Variants in S100Z observed in about 807,000 individuals in gnomAD.
S100Z encodes protein S100-Z.
S100Z carries 11 observed loss-of-function variants against 8.5 expected under a neutral mutation model. The observed-to-expected ratio is 1.30, with a 90% CI of 0.82 to 2.15. The LOEUF (loss-of-function observed/expected upper bound fraction) is 2.15. Ranked by LOEUF, S100Z falls within the 30% of genes most tolerant of loss-of-function variation. The pLI, the probability that S100Z is intolerant of heterozygous loss-of-function variation, is 0.00. For missense variants in S100Z, 126 were observed against 117.9 expected (o/e 1.07, Z -0.32); for synonymous variants, 34 against 43.8 (o/e 0.78, Z 0.89).
intron 4 of S100Z, among the ~76,000 whole-genome samples, chr5:76,910,650 C>G (rs1303075111): frequency 1.3e-5 from 2 of 152,180 alleles, no homozygotes; most frequent in African/African-American, 4.8e-5. Flanking sequence ...TTCTCTGGGT[C>G]AGAAGCTGCC....
At chr5:76,864,522 C>A (rs1257820383) in intron 1 of S100Z, among the ~76,000 whole-genome samples, 1 of 150,140 alleles carries the variant, frequency 6.7e-6, no homozygotes, top group African/African-American at 2.5e-5. Context: ...ACACCTCAGC[C>A]TCCCAGAGGC....
intron 2 of S100Z, among the ~76,000 whole-genome samples, chr5:76,870,790 A>G (rs1742981111): frequency 6.6e-6 from 1 of 152,062 alleles, no homozygotes; most frequent in South Asian, 2.1e-4. Context: ...CACAGTGGGA[A>G]CAACATTTAA....
chr5:76,873,311 A>ATT (rs1355914184), intron 2 of S100Z, among the ~76,000 whole-genome samples: 16 of 134,684 alleles, frequency 1.2e-4, no homozygotes, highest in Non-Finnish European at 1.9e-4. Flanking sequence ...AAAACTAACA[A>ATT]TTTTTTTTTT....
chr5:76,911,023 C>G (rs1256592179), intron 4 of S100Z, among the ~76,000 whole-genome samples: 1 of 152,150 alleles, frequency 6.6e-6, no homozygotes, highest in Non-Finnish European at 1.5e-5. Flanking sequence ...ATATGAGGAA[C>G]AAGTTACCCA....
At chr5:76,945,651 C>T in the S100Z span, among the ~76,000 whole-genome samples, 2 of 152,210 alleles carry the variant, frequency 1.3e-5, no homozygotes, top group Admixed American at 6.5e-5. Flanking sequence ...AGTACCTTCC[C>T]TTGAACTTAT....
the S100Z span, among the ~76,000 whole-genome samples, chr5:76,932,823 T>G: frequency 6.6e-6 from 1 of 152,228 alleles, no homozygotes; most frequent in African/African-American, 2.4e-5. Flanking sequence ...CATTTTTTTC[T>G]GATGGGATTT....
At chr5:76,854,393 G>A (rs754775133) in intron 1 of S100Z, among the ~76,000 whole-genome samples, 14 of 152,154 alleles carry the variant, frequency 9.2e-5, no homozygotes, top group East Asian at 3.9e-4. Flanking sequence ...AAGGCCAGGC[G>A]GAGATGAGGA....
chr5:76,886,184 A>G (rs1227084952), intron 4 of S100Z, among the ~76,000 whole-genome samples: 1 of 152,132 alleles, frequency 6.6e-6, no homozygotes, highest in Admixed American at 6.6e-5. Context: ...GAGGTCAGAC[A>G]CCTCTGAAAC....
intron 1 of S100Z, among the ~76,000 whole-genome samples, chr5:76,851,888 C>T (rs974366700): frequency 3.9e-5 from 6 of 152,186 alleles, no homozygotes; most frequent in African/African-American, 1.4e-4. Context: ...ATAAAGTACA[C>T]AGCAGAAAGC....
chr5:76,950,986 T>C, the S100Z span, among the ~76,000 whole-genome samples: 11,912 of 152,232 alleles, frequency 0.078, 759 homozygotes, highest in African/African-American at 0.18. Flanking sequence ...TCTTAGTTTT[T>C]CTCGATAGCT....
At chr5:76,871,520 C>CT (rs565094996) in intron 2 of S100Z, among the ~76,000 whole-genome samples, 1,382 of 125,074 alleles carry the variant, frequency 0.011, 11 homozygotes, top group African/African-American at 0.03. Flanking sequence ...ATCAGAAACT[C>CT]TTTTTTTTTT....
chr5:76,902,545 C>T (rs1026458992), intron 4 of S100Z, among the ~76,000 whole-genome samples: 1 of 151,950 alleles, frequency 6.6e-6, no homozygotes, highest in African/African-American at 2.4e-5. Context: ...TTCAGTGCCT[C>T]TTTCAGTGAT....
the S100Z span, among the ~76,000 whole-genome samples, chr5:76,927,993 A>C: frequency 6.6e-6 from 1 of 152,172 alleles, no homozygotes; most frequent in Non-Finnish European, 1.5e-5. Context: ...CTCTGCTCTG[A>C]GGACGTGGGG....
chr5:76,929,604 G>A, the S100Z span, among the ~76,000 whole-genome samples: 1 of 152,176 alleles, frequency 6.6e-6, no homozygotes, highest in East Asian at 1.9e-4. Flanking sequence ...TGTACACCAA[G>A]AGGTGACATG....
the S100Z span, among the ~76,000 whole-genome samples, chr5:76,937,225 T>C: frequency 0.016 from 2,453 of 151,324 alleles, 60 homozygotes; most frequent in African/African-American, 0.056. Context: ...AGGACACATA[T>C]GTAGGTGATA....
the S100Z span, among the ~76,000 whole-genome samples, chr5:76,951,059 G>C: frequency 6.6e-6 from 1 of 151,648 alleles, no homozygotes; most frequent in African/African-American, 2.4e-5. Context: ...GTTTCCACTG[G>C]CTTAGTAGAT....
At chr5:76,947,144 A>G in the S100Z span, among the ~76,000 whole-genome samples, 4 of 152,252 alleles carry the variant, frequency 2.6e-5, no homozygotes, top group Non-Finnish European at 5.9e-5. Context: ...GTCAGCTAGC[A>G]GACAGAGAGA....
At chr5:76,884,883 G>A (rs1407919950) in intron 4 of S100Z, among the ~76,000 whole-genome samples, 1 of 152,114 alleles carries the variant, frequency 6.6e-6, no homozygotes, top group African/African-American at 2.4e-5. Context: ...AAGAGCTTGG[G>A]GTGGAGACTG....
chr5:76,899,011 G>C lies in S100Z; in HGVS notation c.*2+21177G>C, dbSNP rs553279953. Among the ~76,000 whole-genome samples, 11 of 143,712 alleles carry C rather than the reference G, an allele frequency of 7.7e-5. No homozygotes were observed. In the South Asian group the frequency reaches 1.9e-3, roughly 25 times the overall value. 94.3% of individuals were successfully genotyped at this position (143,712 alleles called of 152,430 possible). A position where few individuals can be genotyped will look rare whatever the true frequency, so the allele number is the denominator to read the frequency against. ...AGTGCAATGACACGACCTTGGCTCA[G>C]TGCAACCTCCACCTCCCAGGTTCAA... On this transcript the variant is annotated intron_variant, in intron 4 of 4. Transcript: ENST00000317593.
Sources: allele counts gnomAD v4.1 joint callset (sites outside exome capture counted in the v4.1 genomes callset), GRCh38; gene constraint gnomAD v4.1.1; transcripts MANE v1.5; gene names NCBI Gene and HGNC (gene_info 2026-07-23, HGNC 2026-07-21).